Variants in FMN1 observed in about 807,000 individuals in gnomAD.
FMN1 encodes the protein formin-1.
A neutral mutation model predicts 132.4 loss-of-function variants in FMN1; 110 were observed. That is an observed-to-expected ratio of 0.83 (90% CI 0.71 to 0.97). FMN1 has a LOEUF of 0.97. FMN1 is among the 50% of genes least tolerant of loss of function. The pLI is 0.00. For missense variants in FMN1, 1,792 were observed against 1,705.3 expected, an observed-to-expected ratio of 1.05 and a Z score of -0.90; for synonymous variants, 722 against 651.7, an observed-to-expected ratio of 1.11 and a Z score of -1.64.
chr15:32,822,011 C>T (rs1443879200), intron 17 of FMN1, among the ~76,000 whole-genome samples: 1 of 152,088 alleles, frequency 6.6e-6, no homozygotes, highest in African/African-American at 2.4e-5. Context: ...GCTCATTATA[C>T]CTTTTGCTAC....
chr15:33,052,726 A>G (rs1335618585), intron 6 of FMN1, among the ~76,000 whole-genome samples: 1 of 152,242 alleles, frequency 6.6e-6, no homozygotes, highest in African/African-American at 2.4e-5. Flanking sequence ...GCCAAGCTGT[A>G]AGTTAAATCC....
chr15:32,807,648 A>C (rs1422729399), intron 17 of FMN1, among the ~76,000 whole-genome samples: 1 of 152,248 alleles, frequency 6.6e-6, no homozygotes, highest in Non-Finnish European at 1.5e-5. Flanking sequence ...AGTGACAAGA[A>C]ATACCCTATT....
intron 17 of FMN1, among the ~76,000 whole-genome samples, chr15:32,811,844 C>T (rs906605043): frequency 6.6e-6 from 1 of 151,922 alleles, no homozygotes; most frequent in Non-Finnish European, 1.5e-5. Context: ...TTTGTAGTTT[C>T]GCCATGTTGG....
chr15:32,905,095 C>T (rs2060390036), intron 12 of FMN1, among the ~76,000 whole-genome samples: 1 of 152,174 alleles, frequency 6.6e-6, no homozygotes, highest in Non-Finnish European at 1.5e-5. Flanking sequence ...CTTCTTTCTC[C>T]AATGTAGGCT....
chr15:32,948,457 A>C (rs10048025), intron 9 of FMN1, among the ~76,000 whole-genome samples: 42,483 of 151,744 alleles, frequency 0.28, 7,674 homozygotes, highest in African/African-American at 0.53. Flanking sequence ...ATTTTCTATT[A>C]TCTAATATTT....
chr15:32,962,596 G>C (rs2030700782), intron 9 of FMN1, among the ~76,000 whole-genome samples: 1 of 151,086 alleles, frequency 6.6e-6, no homozygotes, highest in Admixed American at 6.6e-5. Flanking sequence ...CTACTCATCT[G>C]ACAAAGGGCT....
chr15:33,042,778 C>CTTTTT (rs5811727), intron 6 of FMN1, among the ~76,000 whole-genome samples: 1 of 149,758 alleles, frequency 6.7e-6, no homozygotes, highest in African/African-American at 2.5e-5. Flanking sequence ...AACCCCCCAA[C>CTTTTT]TTTTTTTTTT....
intron 17 of FMN1, among the ~76,000 whole-genome samples, chr15:32,825,804 T>A (rs1328982206): frequency 6.6e-6 from 1 of 152,168 alleles, no homozygotes; most frequent in Non-Finnish European, 1.5e-5. Flanking sequence ...GACTACGTTG[T>A]GAGATCTTTA....
At position 33,084,071 on chromosome 15, in the gene FMN1, G is replaced by A. The variant is rs1034160997; in HGVS notation, c.2043+4728C>T. ...CCTGCCCCTTTCCTGGAAAACTCAT[G>A]AATAATTCACCCCTTATTTAGCATA... On this transcript the variant is annotated intron_variant, in intron 5 of 20. Coordinates refer to ENST00000616417, the MANE Select transcript of FMN1 (RefSeq NM_001277313.2). Among the ~76,000 whole-genome samples the A allele has an allele frequency of 9.9e-5, 15 of 152,162 alleles. No individual in the cohort carries two copies. The South Asian group carries it at 3.1e-3, about 32-fold the overall frequency.
At chr15:33,069,365 T>C (rs1376294896) in intron 5 of FMN1, among the ~76,000 whole-genome samples, 2 of 152,184 alleles carry the variant, frequency 1.3e-5, no homozygotes, top group South Asian at 4.1e-4. Context: ...GTGCCTGGGA[T>C]GGACAGGACA....
chr15:33,094,731 A>C (rs886608101), intron 4 of FMN1, among the ~76,000 whole-genome samples: 15 of 152,218 alleles, frequency 9.9e-5, no homozygotes, highest in Admixed American at 7.9e-4. Context: ...TGATTATTTT[A>C]TTAACCTCCT....
chr15:33,153,867 C>T lies in FMN1; in HGVS notation c.1048G>A (p.Gly350Ser), dbSNP rs1321525250. The change falls in exon 4 of 21, where the codon GGT (glycine) becomes AGT (serine). Residue 350 changes from glycine to serine, a missense_variant. Transcript: ENST00000616417. ...GGGCGAATGGCAATCGTCTCCTTAC[C>T]CTTAGAATGCGTTTTAACTACTCTT... is the stretch of plus-strand genomic sequence containing the variant. ...VQRVVKTHSK[G>S]KETIAIRPAA... is the part of the protein sequence containing the mutation. The T allele has an allele frequency of 1.2e-5, 19 of 1,536,640 alleles. No homozygotes were observed. The highest frequency in any genetic ancestry group is 1.7e-5 in the Non-Finnish European group (19 of 1,147,056).
At position 33,134,585 on chromosome 15, in the gene FMN1, C is replaced by T. The variant is rs1056734140; in HGVS notation, c.1867+18463G>A. Reference sequence around the variant, plus strand: ...TCGATTGGGGTAGCCTCACAACCAACGTTTGGGCTGTGGGCCACAAAGTCA... The same window carrying T: ...TCGATTGGGGTAGCCTCACAACCAATGTTTGGGCTGTGGGCCACAAAGTCA... On this transcript the variant is annotated intron_variant, in intron 4 of 20. Coordinates refer to ENST00000616417, the MANE Select transcript of FMN1 (RefSeq NM_001277313.2). Among the ~76,000 whole-genome samples, 7 of 152,320 alleles carry T rather than the reference C, an allele frequency of 4.6e-5. No individual in the cohort carries two copies. In the South Asian group the frequency reaches 8.3e-4, roughly 18 times the overall value.
rs1267794554 is a variant in FMN1, at chr15:32,931,246, G to C, written c.3139-4985C>G. On this transcript the variant is annotated intron_variant, in intron 9 of 20. Coordinates refer to ENST00000616417, the MANE Select transcript of FMN1 (RefSeq NM_001277313.2). The stretch of plus-strand genomic sequence containing the variant: ...TGCAAAGCAGCCACTGGGATTTTAA[G>C]AGGAACTGCACTGAATCTGTATGTT... Among the ~76,000 whole-genome samples, 4 of 152,158 alleles carry C rather than the reference G, an allele frequency of 2.6e-5. No individual in the cohort carries two copies. The South Asian group carries it at 8.3e-4, about 31-fold the overall frequency.
intron 16 of FMN1, among the ~76,000 whole-genome samples, chr15:32,858,832 T>C (rs888861047): frequency 2.6e-5 from 4 of 152,338 alleles, no homozygotes; most frequent in Admixed American, 2.6e-4. Context: ...AACTACTTTA[T>C]AGCTTCTCTG....
In FMN1 at chr15:32,959,822, A is replaced by T. The variant is rs116627878; in HGVS notation, c.3138+4285T>A. Among the ~76,000 whole-genome samples the T allele has an allele frequency of 2.2e-3, 333 of 152,378 alleles. 2 individuals are homozygous for T. Among genetic ancestry groups the T allele is most frequent in the African/African-American group, 7.7e-3 (319 of 41,590 alleles). ...AACAGAAGTGAATAGTTCTATGAGT[A>T]AACAACATGTTTTCAAGCATCTGGA... On this transcript the variant is annotated intron_variant, in intron 9 of 20. Transcript: ENST00000616417.
chr15:32,990,824 T>C (rs1050296968), intron 7 of FMN1, among the ~76,000 whole-genome samples: 9 of 152,046 alleles, frequency 5.9e-5, no homozygotes, highest in Non-Finnish European at 1.3e-4. Context: ...AGGAGAAGAA[T>C]GAGAGTCAAG....
intron 17 of FMN1, among the ~76,000 whole-genome samples, chr15:32,824,529 G>A (rs577577172): frequency 6.6e-6 from 1 of 152,278 alleles, no homozygotes; most frequent in East Asian, 1.9e-4. Context: ...CACTTGCTCT[G>A]TTCCCGCCAC....
intron 3 of FMN1, among the ~76,000 whole-genome samples, chr15:33,177,293 C>G (rs897390657): frequency 6.6e-6 from 1 of 152,108 alleles, no homozygotes; most frequent in African/African-American, 2.4e-5. Flanking sequence ...TTTACTAATT[C>G]CTCTTCTTTA....
Sources: allele counts gnomAD v4.1 joint callset (sites outside exome capture counted in the v4.1 genomes callset), GRCh38; gene constraint gnomAD v4.1.1; transcripts MANE v1.5; gene names NCBI Gene and HGNC (gene_info 2026-07-23, HGNC 2026-07-21).